Variants in ANKRD26 observed in about 807,000 individuals in gnomAD.
The protein encoded by ANKRD26 is ankyrin repeat domain 26.
A neutral mutation model predicts 208.7 loss-of-function variants in ANKRD26; 141 were observed. The ratio of observed to expected loss-of-function variants is 0.68; its 90% CI spans 0.59 to 0.78. The LOEUF is 0.78. ANKRD26 is among the 30% of genes least tolerant of loss of function. The pLI, the probability that ANKRD26 is intolerant of heterozygous loss-of-function variation, is 0.00. For synonymous variants in ANKRD26, 636 were observed against 660.4 expected, an observed-to-expected ratio of 0.96 and a Z score of 0.57; for missense variants, 1,889 against 1,938.7, an observed-to-expected ratio of 0.97 and a Z score of 0.48.
At chr10:26,967,643 G>A in the ANKRD26 span, among the ~76,000 whole-genome samples, 1 of 152,084 alleles carries the variant, frequency 6.6e-6, no homozygotes, top group East Asian at 1.9e-4. Context: ...CCTTACCAAG[G>A]TTGATCCACA....
chr10:27,014,270 A>C (rs1331847508), intron 31 of ANKRD26, among the ~76,000 whole-genome samples: 1 of 152,068 alleles, frequency 6.6e-6, no homozygotes, highest in Non-Finnish European at 1.5e-5. Flanking sequence ...CTACCTAAGA[A>C]TATTAACGGA....
At chr10:27,016,830 CCTTTA>C (rs2053309875) in intron 30 of ANKRD26, among the ~76,000 whole-genome samples, 1 of 151,302 alleles carries the variant, frequency 6.6e-6, no homozygotes, top group South Asian at 2.1e-4. Context: ...GTATTTTTTT[CCTTTA>C]CTTTTGAGTT....
chr10:26,957,496 A>G, the ANKRD26 span, among the ~76,000 whole-genome samples: 2 of 152,378 alleles, frequency 1.3e-5, no homozygotes, highest in Admixed American at 1.3e-4. Context: ...GTAAATCAAG[A>G]TTCCTTGTAG....
chr10:27,043,347 A>G, intron 20 of ANKRD26, 79 bp downstream of exon 20: 3 of 1,515,730 alleles, frequency 2.0e-6, no homozygotes, highest in Non-Finnish European at 2.7e-6. Context: ...AATGTATGCT[A>G]AATGTACATA....
Position 27,077,349 on chromosome 10 carries a change from C to T in ANKRD26, c.1066G>A (p.Gly356Ser). 6.2e-7 allele frequency: 1 copy of T among 1,613,422 alleles called. No homozygotes were observed. The highest frequency in any genetic ancestry group is 8.5e-7 in the Non-Finnish European group (1 of 1,179,494). Reference sequence around the variant, plus strand: ...AAAAAACAACTTACCTTCATAAGACCAGGGTTTGCTAACGACTTGTGGGAA... The same window carrying T: ...AAAAAACAACTTACCTTCATAAGACTAGGGTTTGCTAACGACTTGTGGGAA... ...KPSHKSLANPGLMKEEPTKPG... is the reference protein window; with the variant it reads ...KPSHKSLANPSLMKEEPTKPG... The change falls in exon 9 of 34, where the codon GGT becomes AGT. Residue 356 changes from glycine to serine, a missense_variant. Physicochemically the swap from Gly to Ser is moderately conservative, Grantham distance 56. This residue lies in a region of ANKRD26 where 1,272 missense variants were observed against 1,273.8 expected (regional missense o/e 1.00). Coordinates refer to ENST00000376087, the MANE Select transcript of ANKRD26 (RefSeq NM_014915.3).
rs530553544 is a variant in ANKRD26 at position 26,980,522 on chromosome 10, C to T, written c.*281+54G>A. ...GAGTCAGGAAATTTTTTAACTTTGC[C>T]TCCTAGCTCAGCCTTTGACCAGGTT... On this transcript the variant is annotated intron_variant and NMD_transcript_variant, in intron 5 of 5. Transcript: ENST00000674670. Among the ~76,000 whole-genome samples, 301 of 152,326 alleles carry T rather than the reference C, an allele frequency of 2.0e-3. 2 individuals are homozygous for T. Among genetic ancestry groups the T allele is most frequent in the African/African-American group, 6.9e-3 (287 of 41,564 alleles).
the ANKRD26 span, among the ~76,000 whole-genome samples, chr10:26,948,250 T>C: frequency 6.6e-6 from 1 of 152,226 alleles, no homozygotes; most frequent in Non-Finnish European, 1.5e-5. Context: ...CTTTTAGAAA[T>C]GTAGAAATTC....
chr10:27,034,706 A>G, intron 24 of ANKRD26, 90 bp downstream of exon 24: 1 of 811,804 alleles, frequency 1.2e-6, no homozygotes, highest in Non-Finnish European at 1.9e-6. Context: ...AAGCTTATCT[A>G]TTTATTTTTA....
chr10:27,053,169 A>G, intron 16 of ANKRD26, 151 bp downstream of exon 16: 1 of 572,198 alleles, frequency 1.7e-6, no homozygotes. Context: ...AGAACATTTT[A>G]ACTAGTCAAA....
downstream of ANKRD26, among the ~76,000 whole-genome samples, chr10:27,002,435 T>A (rs1424966480): frequency 6.6e-6 from 1 of 152,206 alleles, no homozygotes; most frequent in East Asian, 1.9e-4. Context: ...GGTTTCCTCC[T>A]ACATCCCAAA....
At chr10:26,965,805 TC>T in the ANKRD26 span, among the ~76,000 whole-genome samples, 1 of 151,710 alleles carries the variant, frequency 6.6e-6, no homozygotes, top group Non-Finnish European at 1.5e-5. Flanking sequence ...AACAACCTCA[TC>T]AAAAAGTGGG....
In ANKRD26 at chr10:27,077,553, CAAAAT is replaced by C; in HGVS notation, c.875-18_875-14del. 1 of 1,612,820 alleles carries C rather than the reference CAAAAT, an allele frequency of 6.2e-7. No homozygotes were observed. Among genetic ancestry groups the C allele is most frequent in the Non-Finnish European group, 8.5e-7 (1 of 1,179,024 alleles). On this transcript the variant is annotated splice_polypyrimidine_tract_variant and intron_variant, in intron 8 of 33. Coordinates refer to ENST00000376087, the MANE Select transcript of ANKRD26 (RefSeq NM_014915.3). ...TATGTTGCTTCTACTACAGTAAAAA[CAAAAT>C]AAAGAGTAAATGAAAATATATGTAA... is the stretch of plus-strand genomic sequence containing the variant.
chr10:27,044,647 CT>C lies in ANKRD26; in HGVS notation c.1986-458del, dbSNP rs2054378920. 5.9e-5 allele frequency among the ~76,000 whole-genome samples: 9 copies of C among 152,012 alleles called. 1 individual carries two copies. The South Asian group carries it at 1.7e-3, about 28-fold the overall frequency. On this transcript the variant is annotated intron_variant, in intron 18 of 33. Coordinates refer to ENST00000376087, the MANE Select transcript of ANKRD26 (RefSeq NM_014915.3). Reference sequence around the variant, plus strand: ...CTTTTTGAATGACGGTATTAGTTAGCTTTTTTCAGGACTCACAATGCAGGTA... The same window carrying C: ...CTTTTTGAATGACGGTATTAGTTAGCTTTTTCAGGACTCACAATGCAGGTA...
chr10:26,958,073 T>TTATATATATATA, the ANKRD26 span, among the ~76,000 whole-genome samples: 17 of 144,212 alleles, frequency 1.2e-4, no homozygotes, highest in Admixed American at 4.2e-4. Flanking sequence ...TCACCCAGTT[T>TTATATATATATA]TATATATATA....
intron 5 of ANKRD26, among the ~76,000 whole-genome samples, chr10:26,993,137 G>T (rs1229625175): frequency 6.6e-6 from 1 of 152,154 alleles, no homozygotes; most frequent in Non-Finnish European, 1.5e-5. Context: ...AATACAGAAC[G>T]TGTCCAGCAA....
rs954443167 is a variant in ANKRD26 at position 27,097,334 on chromosome 10, A to T, written c.242+2751T>A. 3.2e-3 allele frequency among the ~76,000 whole-genome samples: 458 copies of T among 140,988 alleles called. 2 individuals are homozygous for T. Among genetic ancestry groups the T allele is most frequent in the African/African-American group, 0.011 (434 of 39,794 alleles). 92.5% of individuals were successfully genotyped at this position (140,988 alleles called of 152,430 possible). ...ACTAGAAATACAAAAAAAAAAAAAA[A>T]TTAGCTGTCCCAGCTACTCAGGAGA... On this transcript the variant is annotated intron_variant, in intron 1 of 33. Coordinates refer to ENST00000376087, the MANE Select transcript of ANKRD26 (RefSeq NM_014915.3).
At chr10:26,984,327 A>G (rs577888031) in intron 3 of ANKRD26, among the ~76,000 whole-genome samples, 1 of 152,340 alleles carries the variant, frequency 6.6e-6, no homozygotes, top group Middle Eastern at 3.4e-3. Context: ...GTCCCAAGTC[A>G]AAGGTTGATA....
At chr10:26,975,898 C>CAACTAAACTAAAACAA (rs2052219812) in exon 6 of ANKRD26, among the ~76,000 whole-genome samples, 2 of 151,544 alleles carry the variant, frequency 1.3e-5, no homozygotes, top group African/African-American at 4.8e-5. Flanking sequence ...TGACAACTTA[C>CAACTAAACTAAAACAA]CACAAGGGTT....
chr10:27,099,012 C>A (rs939238318), intron 1 of ANKRD26, among the ~76,000 whole-genome samples: 12 of 151,690 alleles, frequency 7.9e-5, no homozygotes, highest in Non-Finnish European at 1.6e-4. Context: ...TTTTTTGAGA[C>A]AGAGTTTTGC....
Sources: gnomAD v4.1 joint callset for allele counts (sites outside exome capture counted in the v4.1 genomes callset) on GRCh38, gnomAD v4.1.1 for gene constraint, gnomAD v4.1.1 regional missense constraint, MANE v1.5 for transcripts, NCBI Gene and HGNC (gene_info 2026-07-23, HGNC 2026-07-21) for gene names.